Variants in NRG2 observed in about 807,000 individuals in gnomAD.
NRG2 encodes neuregulin 2, also known as pro-neuregulin-2, membrane-bound isoform.
In NRG2, 27 loss-of-function variants were observed where a neutral mutation model predicts 73.9. The observed-to-expected ratio is 0.37, with a 90% confidence interval of 0.27 to 0.50. The LOEUF is 0.50. Ranked by LOEUF, NRG2 falls within the 20% of genes least tolerant of loss-of-function variation. The probability of loss-of-function intolerance (pLI) is 0.96; values close to 1 mark genes in which losing one functional copy is unlikely to be tolerated. For synonymous variants in NRG2, 532 were observed against 541.0 expected, an observed-to-expected ratio of 0.98 and a Z score of 0.23; for missense variants, 1,126 against 1,210.1, an observed-to-expected ratio of 0.93 and a Z score of 1.03.
intron 1 of NRG2, among the ~76,000 whole-genome samples, chr5:139,948,833 A>C (rs1340700383): frequency 1.3e-5 from 2 of 152,198 alleles, no homozygotes; most frequent in African/African-American, 4.8e-5. Flanking sequence ...GAACTGGTAG[A>C]ATCTGAGAAG....
At position 140,042,670 on chromosome 5, in the gene NRG2, T is replaced by G; in HGVS notation, c.400A>C (p.Lys134Gln). 1 of 1,593,764 alleles carries G rather than the reference T, an allele frequency of 6.3e-7. No individual in the cohort carries two copies. Among genetic ancestry groups the G allele is most frequent in the Non-Finnish European group, 8.5e-7 (1 of 1,170,930 alleles). Residue 134 changes from lysine to glutamine, a missense_variant, in exon 1 of 10, where the codon AAG (lysine) becomes CAG (glutamine). By Grantham distance (53) the Lys-to-Gln change is moderately conservative. Around this residue, in one of 3 missense-constraint regions of NRG2, gnomAD observed 539 missense variants for 703.2 expected, o/e 0.77. Transcript: ENST00000361474. ...CCGGCTGGGACCAGCCCCTGTACCTTGCCCTCCACCACCACGGGTGCCTTG... is the reference window on the plus strand; with the variant it reads ...CCGGCTGGGACCAGCCCCTGTACCTGGCCCTCCACCACCACGGGTGCCTTG... ...AYKAPVVVEGKVQGLVPAGGS... is the reference protein window; with the variant it reads ...AYKAPVVVEGQVQGLVPAGGS...
chr5:139,976,850 C>T (rs1442348976), intron 1 of NRG2, among the ~76,000 whole-genome samples: 2 of 152,198 alleles, frequency 1.3e-5, no homozygotes, highest in African/African-American at 4.8e-5. Context: ...GGAAGAAAAG[C>T]ATAAATGGTT....
chr5:139,972,525 G>T (rs1374346013), intron 1 of NRG2, among the ~76,000 whole-genome samples: 1 of 152,208 alleles, frequency 6.6e-6, no homozygotes, highest in African/African-American at 2.4e-5. Flanking sequence ...AGGAGTCCAA[G>T]ACCAGCCTGG....
At position 139,852,650 on chromosome 5, in the gene NRG2, A is replaced by G. The variant is rs1761523702; in HGVS notation, c.1417-91T>C. ...ACAGGGAAGTGATGAGCACTGACTG[A>G]GCTCCTGGTTGGGGAGACCCACTGT... is the stretch of plus-strand genomic sequence containing the variant. On this transcript the variant is annotated intron_variant, in intron 7 of 9. Transcript: ENST00000361474. This position sits in a 1 kb window ranked among gnomAD's most constrained non-coding sequence, Gnocchi z 4.4. 2.6e-6 allele frequency: 4 copies of G among 1,543,040 alleles called. No individual in the cohort carries two copies. The African/African-American group carries it at 5.5e-5, about 21-fold the overall frequency.
intron 1 of NRG2, among the ~76,000 whole-genome samples, chr5:139,970,998 C>A (rs1373541125): frequency 6.6e-6 from 1 of 151,940 alleles, no homozygotes; most frequent in East Asian, 1.9e-4. Context: ...GAATCTCCAT[C>A]CTTCTTAGAA....
chr5:139,848,027 C>A lies in NRG2; in HGVS notation c.2443G>T (p.Ala815Ser). Reference protein sequence around the residue: ...LRSDSPPLCPAADSRTYYSLD... With the variant: ...LRSDSPPLCPSADSRTYYSLD... ...GAGTAGTAAGTCCTGCTGTCGGCCG[C>A]CGGGCACAGTGGCGGCGAGTCCGAG... The change falls in exon 10 of 10, where the codon GCG becomes TCG. Residue 815 changes from alanine (A) to serine (S), a missense_variant. Ala to Ser is a moderately conservative substitution (Grantham distance 99). Coordinates refer to ENST00000361474, the MANE Select transcript of NRG2 (RefSeq NM_004883.3). 6.6e-7 allele frequency: 1 copy of A among 1,510,616 alleles called. No homozygotes were observed. Among genetic ancestry groups the A allele is most frequent in the Non-Finnish European group, 8.8e-7 (1 of 1,134,678 alleles). 93.6% of individuals were successfully genotyped at this position (1,510,616 alleles called of 1,614,324 possible). A position where few individuals can be genotyped will look rare whatever the true frequency, so the allele number is the denominator to read the frequency against.
chr5:139,871,664 G>C, intron 4 of NRG2, 57 bp downstream of exon 4: 1 of 1,603,802 alleles, frequency 6.2e-7, no homozygotes, highest in South Asian at 1.1e-5. Context: ...CTCCACTTCT[G>C]ACCCAGCATC....
intron 1 of NRG2, among the ~76,000 whole-genome samples, chr5:139,985,468 C>A (rs1757105861): frequency 6.6e-6 from 1 of 152,152 alleles, no homozygotes; most frequent in South Asian, 2.1e-4. Flanking sequence ...GAAGCCCAAC[C>A]TTTGCTGCCC....
At chr5:139,998,165 T>C (rs980739243) in intron 1 of NRG2, among the ~76,000 whole-genome samples, 11 of 152,192 alleles carry the variant, frequency 7.2e-5, no homozygotes, top group African/African-American at 2.7e-4. Context: ...GCCTTGGTTC[T>C]AGCTCTCTCT....
At chr5:140,024,689 C>T (rs1184785778) in intron 1 of NRG2, among the ~76,000 whole-genome samples, 1 of 152,190 alleles carries the variant, frequency 6.6e-6, no homozygotes, top group Non-Finnish European at 1.5e-5. Flanking sequence ...GTCAGTCCCC[C>T]ATTATCTTCC....
chr5:139,952,656 C>T (rs753275578), intron 1 of NRG2, among the ~76,000 whole-genome samples: 4 of 152,196 alleles, frequency 2.6e-5, no homozygotes, highest in African/African-American at 4.8e-5. Context: ...CGCCCTACCA[C>T]GGTGGAGGAG....
At chr5:139,860,978 G>T (rs1762109901) in intron 5 of NRG2, among the ~76,000 whole-genome samples, 1 of 152,146 alleles carries the variant, frequency 6.6e-6, no homozygotes, top group African/African-American at 2.4e-5. Context: ...TGGCTCTGAG[G>T]TGGGAGCCCA....
At position 140,043,165 on chromosome 5, in the gene NRG2, G is replaced by A; in HGVS notation, c.-96C>T. 7.2e-7 allele frequency: 1 copy of A among 1,390,020 alleles called. No homozygotes were observed. Among genetic ancestry groups the A allele is most frequent in the Non-Finnish European group, 9.6e-7 (1 of 1,041,412 alleles). The allele number at this position is 1,390,020 out of a possible 1,614,324, so 86.1% of individuals were successfully genotyped here. A position where few individuals can be genotyped will look rare whatever the true frequency, so the allele number is the denominator to read the frequency against. ...GAAAACCGGAAACAGCGTAACGTTA[G>A]CGCCTCTTAGCCCTCCACCGGCAGC... On this transcript the variant is annotated 5_prime_UTR_variant, in exon 1 of 10. Transcript: ENST00000361474. This position sits in a 1 kb window ranked among gnomAD's most constrained non-coding sequence, Gnocchi z 6.7.
intron 1 of NRG2, among the ~76,000 whole-genome samples, chr5:140,002,481 G>A (rs947169219): frequency 3.9e-5 from 6 of 152,142 alleles, no homozygotes; most frequent in Non-Finnish European, 5.9e-5. Flanking sequence ...GGATTTTTAG[G>A]TTAAGCATAT....
At chr5:139,871,570 G>A in intron 4 of NRG2, 151 bp downstream of exon 4, 1 of 964,474 alleles carries the variant, frequency 1.0e-6, no homozygotes, top group Non-Finnish European at 1.5e-6. Flanking sequence ...TTCCAGGAAA[G>A]GGCTAGGAAG....
chr5:139,929,098 C>A (rs1343000333), intron 1 of NRG2, among the ~76,000 whole-genome samples: 1 of 152,186 alleles, frequency 6.6e-6, no homozygotes, highest in Non-Finnish European at 1.5e-5. Context: ...GCTCAAAAGT[C>A]CTTCTGAGCT....
intron 1 of NRG2, among the ~76,000 whole-genome samples, chr5:139,931,366 C>A (rs1381369660): frequency 6.6e-6 from 1 of 152,160 alleles, no homozygotes; most frequent in Non-Finnish European, 1.5e-5. Context: ...CAGAGAGTAA[C>A]AAGATCTCTG....
chr5:140,022,988 A>G (rs1760361262), intron 1 of NRG2, among the ~76,000 whole-genome samples: 1 of 152,176 alleles, frequency 6.6e-6, no homozygotes, highest in Admixed American at 6.5e-5. Flanking sequence ...CATGAAAGAC[A>G]CTGCCTAGTT....
chr5:139,935,000 A>G (rs1389939376), intron 1 of NRG2, among the ~76,000 whole-genome samples: 1 of 152,134 alleles, frequency 6.6e-6, no homozygotes, highest in Non-Finnish European at 1.5e-5. Flanking sequence ...CCCCGTCTCT[A>G]CTAAAAATAC....
Sources: gnomAD v4.1 joint callset for allele counts (sites outside exome capture counted in the v4.1 genomes callset) on GRCh38, gnomAD v4.1.1 for gene constraint, gnomAD v4.1.1 regional missense constraint, Gnocchi (gnomAD v3.1) non-coding constraint, MANE v1.5 for transcripts, NCBI Gene and HGNC (gene_info 2026-07-23, HGNC 2026-07-21) for gene names.